OR10J1: variants seen among roughly 807,000 people sequenced by gnomAD.
OR10J1 encodes olfactory receptor family 10 subfamily J member 1.
For missense variants in OR10J1, 474 were observed against 376.6 expected (o/e 1.26, Z -2.14); for synonymous variants, 202 against 143.8 (o/e 1.40, Z -2.89).
chr1:159,425,272 T>C, the OR10J1 span, among the ~76,000 whole-genome samples: 1 of 151,910 alleles, frequency 6.6e-6, no homozygotes, highest in Non-Finnish European at 1.5e-5. Context: ...CTAACACAGG[T>C]GAGAGACAAG....
the OR10J1 span, among the ~76,000 whole-genome samples, chr1:159,403,465 A>G: frequency 2.6e-5 from 4 of 152,206 alleles, no homozygotes; most frequent in Non-Finnish European, 5.9e-5. Flanking sequence ...ATTTGAATAG[A>G]CATTTCTCAA....
the OR10J1 span, among the ~76,000 whole-genome samples, chr1:159,425,508 G>C: frequency 6.6e-6 from 1 of 152,122 alleles, no homozygotes; most frequent in East Asian, 1.9e-4. Context: ...TAGAGAAAAG[G>C]CTTTATAGTT....
In OR10J1 at chr1:159,440,006, T is replaced by C. The variant is rs772273961; in HGVS notation, c.215T>C (p.Val72Ala). The C allele has an allele frequency of 1.2e-6, 2 of 1,614,198 alleles. No individual in the cohort carries two copies. The highest frequency in any genetic ancestry group is 2.2e-5 in the East Asian group (1 of 44,882). ...AGCATGCTGTCCACTTCAGAGACTG[T>C]ATATACATTGGTCATTCTCCCAAGA... ...FLSMLSTSET[V>A]YTLVILPRML... Residue 72 changes from valine to alanine, a missense_variant, in exon 1 of 1, where the codon GTA (valine) becomes GCA (alanine). Val to Ala is a moderately conservative substitution (Grantham distance 64, BLOSUM62 0). Coordinates refer to ENST00000423932, the MANE Select transcript of OR10J1 (RefSeq NM_012351.3).
chr1:159,423,909 A>G, the OR10J1 span, among the ~76,000 whole-genome samples: 5 of 152,292 alleles, frequency 3.3e-5, no homozygotes, highest in African/African-American at 1.2e-4. Context: ...TTTATTAGAT[A>G]TGAATGGACA....
chr1:159,431,450 C>G, the OR10J1 span, among the ~76,000 whole-genome samples: 4 of 152,200 alleles, frequency 2.6e-5, no homozygotes, highest in African/African-American at 7.2e-5. Flanking sequence ...CTGTCCTTGG[C>G]TTGAACTCAT....
chr1:159,428,556 C>T, the OR10J1 span, among the ~76,000 whole-genome samples: 1 of 152,138 alleles, frequency 6.6e-6, no homozygotes, highest in South Asian at 2.1e-4. Flanking sequence ...ATTTCAAGGT[C>T]TCGATAAGAC....
the OR10J1 span, among the ~76,000 whole-genome samples, chr1:159,416,431 G>A: frequency 4.0e-5 from 6 of 148,996 alleles, no homozygotes; most frequent in African/African-American, 1.3e-4. Context: ...CTATTGAGAT[G>A]ATCATATTGT....
the OR10J1 span, among the ~76,000 whole-genome samples, chr1:159,430,674 C>CACGT: frequency 3.2e-4 from 10 of 30,842 alleles, no homozygotes; most frequent in Non-Finnish European, 8.2e-4. Context: ...TGTGTGCGCG[C>CACGT]GCGCACATGT....
chr1:159,408,629 G>A, the OR10J1 span, among the ~76,000 whole-genome samples: 5 of 151,464 alleles, frequency 3.3e-5, no homozygotes, highest in Admixed American at 2.6e-4. Flanking sequence ...AAAAAAAAAA[G>A]AAGGCCTGGT....
At chr1:159,439,158 C>G (rs1468824371), upstream of OR10J1, among the ~76,000 whole-genome samples, 1 of 152,136 alleles carries the variant, frequency 6.6e-6, no homozygotes, top group Non-Finnish European at 1.5e-5. Context: ...TTCTTGAAGA[C>G]AAGATGAACC....
At chr1:159,402,274 G>T in the OR10J1 span, among the ~76,000 whole-genome samples, 1 of 151,990 alleles carries the variant, frequency 6.6e-6, no homozygotes, top group Non-Finnish European at 1.5e-5. Context: ...TCAGACAAGA[G>T]AAAGAAATAA....
the OR10J1 span, chr1:159,432,419 C>G: frequency 9.9e-6 from 4 of 404,576 alleles, no homozygotes; most frequent in Non-Finnish European, 1.8e-5. Flanking sequence ...TTTCTGAGAC[C>G]TATTATACCG....
At position 159,440,215 on chromosome 1, in the gene OR10J1, A is replaced by T. The variant is rs1655891707; in HGVS notation, c.424A>T (p.Ile142Phe). ...YMVIMNKRLR[I>F]QLVLGACSIG... is the part of the protein sequence containing the mutation. ...GGTTATTATGAACAAGAGGCTGCGTATCCAACTTGTCCTGGGGGCCTGCAG... is the reference window on the plus strand; with the variant it reads ...GGTTATTATGAACAAGAGGCTGCGTTTCCAACTTGTCCTGGGGGCCTGCAG... Residue 142 changes from isoleucine (I) to phenylalanine (F), a missense_variant, in exon 1 of 1, where the codon ATC (isoleucine) becomes TTC (phenylalanine). Transcript: ENST00000423932. 1 of 1,614,030 alleles carries T rather than the reference A, an allele frequency of 6.2e-7. No individual in the cohort carries two copies. Among genetic ancestry groups the T allele is most frequent in the Non-Finnish European group, 8.5e-7 (1 of 1,180,004 alleles).
the OR10J1 span, among the ~76,000 whole-genome samples, chr1:159,409,270 T>G: frequency 6.6e-6 from 1 of 152,094 alleles, no homozygotes; most frequent in African/African-American, 2.4e-5. Flanking sequence ...ATGAGAAATT[T>G]ACCTGCGCTG....
At chr1:159,418,756 G>T in the OR10J1 span, among the ~76,000 whole-genome samples, 2 of 152,160 alleles carry the variant, frequency 1.3e-5, no homozygotes, top group Admixed American at 6.6e-5. Context: ...AGCTTGCACT[G>T]AGCACCTGGA....
the OR10J1 span, among the ~76,000 whole-genome samples, chr1:159,419,466 A>G: frequency 6.6e-6 from 1 of 152,180 alleles, no homozygotes; most frequent in Non-Finnish European, 1.5e-5. Flanking sequence ...CATGTAAGAC[A>G]TGCCTTTCAT....
At chr1:159,415,825 A>G in the OR10J1 span, among the ~76,000 whole-genome samples, 1 of 151,928 alleles carries the variant, frequency 6.6e-6, no homozygotes, top group Non-Finnish European at 1.5e-5. Flanking sequence ...TGAACGAGAC[A>G]TCTTTTCATT....
chr1:159,437,218 G>A (rs990381203), upstream of OR10J1, among the ~76,000 whole-genome samples: 1 of 152,154 alleles, frequency 6.6e-6, no homozygotes, highest in Non-Finnish European at 1.5e-5. Flanking sequence ...TTGTTTCCTA[G>A]CCTCCAGGAG....
At chr1:159,429,711 G>A in the OR10J1 span, among the ~76,000 whole-genome samples, 1 of 152,128 alleles carries the variant, frequency 6.6e-6, no homozygotes, top group Non-Finnish European at 1.5e-5. Context: ...CAGGAGAATG[G>A]TCCTCTTGGG....
Sources: allele counts gnomAD v4.1 joint callset (sites outside exome capture counted in the v4.1 genomes callset), GRCh38; gene constraint gnomAD v4.1.1; transcripts MANE v1.5; gene names NCBI Gene and HGNC (gene_info 2026-07-23, HGNC 2026-07-21).